Variants in SEPTIN7 observed in about 807,000 individuals in gnomAD.
SEPTIN7 encodes the protein septin 7, also known as septin-7.
Under a neutral mutation model 63.3 loss-of-function variants are expected in SEPTIN7, and 10 were observed. That is an observed-to-expected ratio of 0.16 (90% CI 0.10 to 0.27). SEPTIN7 has a LOEUF of 0.27. SEPTIN7 is among the 10% of genes least tolerant of loss of function. The pLI is 1.00. For synonymous variants in SEPTIN7, 131 were observed against 165.3 expected (o/e 0.79, Z 1.59); for missense variants, 310 against 521.0 (o/e 0.59, Z 3.94).
At chr7:35,829,301 G>A (rs1205115127) in intron 1 of SEPTIN7, among the ~76,000 whole-genome samples, 2 of 151,436 alleles carry the variant, frequency 1.3e-5, no homozygotes, top group East Asian at 1.9e-4. Context: ...TGTCAGTCCC[G>A]GCTAATTTTT....
chr7:35,821,718 G>A (rs542220293), intron 1 of SEPTIN7, among the ~76,000 whole-genome samples: 2 of 152,316 alleles, frequency 1.3e-5, no homozygotes, highest in African/African-American at 4.8e-5. Context: ...CAAAAGTCAT[G>A]TAGGAGAGTG....
intron 1 of SEPTIN7, among the ~76,000 whole-genome samples, chr7:35,819,294 C>T (rs1469255211): frequency 6.6e-6 from 1 of 152,108 alleles, no homozygotes. Flanking sequence ...TAACTTCATT[C>T]TCTAGTGGAT....
chr7:35,872,639 T>G, intron 4 of SEPTIN7, 27 bp from the exon 5 acceptor site: 1 of 1,530,786 alleles, frequency 6.5e-7, no homozygotes, highest in Non-Finnish European at 9.0e-7. Context: ...TGTATGATAT[T>G]AACATCTGCA....
chr7:35,885,390 A>T (rs1442796918), intron 9 of SEPTIN7, among the ~76,000 whole-genome samples: 1 of 152,120 alleles, frequency 6.6e-6, no homozygotes, highest in Non-Finnish European at 1.5e-5. Flanking sequence ...CCTATTTGTG[A>T]TACATTCTTT....
chr7:35,866,308 T>C (rs758613323), intron 4 of SEPTIN7, among the ~76,000 whole-genome samples: 4 of 152,240 alleles, frequency 2.6e-5, no homozygotes, highest in Non-Finnish European at 5.9e-5. Context: ...TGTAATCTTT[T>C]TGATAGTTGG....
intron 3 of SEPTIN7, among the ~76,000 whole-genome samples, 173 bp downstream of exon 3, chr7:35,833,073 T>C (rs1204867048): frequency 2.6e-5 from 4 of 152,048 alleles, no homozygotes; most frequent in African/African-American, 9.6e-5. Context: ...TAATGGGATT[T>C]ATGTCTTGCC....
intron 8 of SEPTIN7, 52 bp from the exon 9 acceptor site, chr7:35,883,839 A>G: frequency 2.0e-6 from 2 of 1,016,914 alleles, no homozygotes; most frequent in Admixed American, 2.4e-5. Flanking sequence ...TTTATTTTTG[A>G]ATTTGTGAGG....
At chr7:35,818,987 AT>A (rs1711961874) in intron 1 of SEPTIN7, among the ~76,000 whole-genome samples, 1 of 150,264 alleles carries the variant, frequency 6.7e-6, no homozygotes, top group African/African-American at 2.5e-5. Context: ...TCATTTCCTT[AT>A]TTTGTTTTCC....
At chr7:35,835,052 T>C (rs566893937) in intron 3 of SEPTIN7, among the ~76,000 whole-genome samples, 8 of 152,260 alleles carry the variant, frequency 5.3e-5, no homozygotes, top group African/African-American at 1.9e-4. Flanking sequence ...AGTACTTGCT[T>C]GAGTGACTTA....
chr7:35,829,584 T>C lies in SEPTIN7; in HGVS notation c.62-1908T>C, dbSNP rs144367008. Among the ~76,000 whole-genome samples, 50 of 152,322 alleles carry C rather than the reference T, an allele frequency of 3.3e-4. No individual in the cohort carries two copies. In the Middle Eastern group the frequency reaches 0.014, roughly 41 times the overall value. On this transcript the variant is annotated intron_variant, in intron 1 of 13. Coordinates refer to ENST00000350320, the MANE Select transcript of SEPTIN7 (RefSeq NM_001788.6). Reference sequence around the variant, plus strand: ...TGAGTCATTTTTGTTATACCTCTTATCTGATGAGTTCCTTCAAGGTGCAGT... The same window carrying C: ...TGAGTCATTTTTGTTATACCTCTTACCTGATGAGTTCCTTCAAGGTGCAGT...
At chr7:35,808,454 C>A (rs1178949466) in intron 1 of SEPTIN7, among the ~76,000 whole-genome samples, 1 of 152,126 alleles carries the variant, frequency 6.6e-6, no homozygotes, top group Non-Finnish European at 1.5e-5. Context: ...AGCTGCATAA[C>A]CGTTACATGA....
intron 1 of SEPTIN7, among the ~76,000 whole-genome samples, chr7:35,828,099 TA>T (rs1783611469): frequency 6.6e-6 from 1 of 152,142 alleles, no homozygotes; most frequent in Admixed American, 6.5e-5. Context: ...AATTTTATTT[TA>T]AAAAATATTT....
chr7:35,903,357 T>A, intron 13 of SEPTIN7, 142 bp downstream of exon 13: 1 of 1,326,384 alleles, frequency 7.5e-7, no homozygotes, highest in Non-Finnish European at 9.9e-7. Flanking sequence ...TTTTCATAGA[T>A]AAATATTTTT....
intron 6 of SEPTIN7, among the ~76,000 whole-genome samples, chr7:35,875,757 G>C (rs962503899): frequency 6.6e-6 from 1 of 151,870 alleles, no homozygotes; most frequent in Admixed American, 6.6e-5. Context: ...TTATACAGAA[G>C]GATTTTTTCT....
chr7:35,825,955 G>A (rs1392422555), intron 1 of SEPTIN7, among the ~76,000 whole-genome samples: 1 of 152,066 alleles, frequency 6.6e-6, no homozygotes, highest in Admixed American at 6.6e-5. Context: ...AGTAAAAAGA[G>A]GAGAGCTGGG....
chr7:35,915,130 T>C, the SEPTIN7 span, among the ~76,000 whole-genome samples: 5 of 133,332 alleles, frequency 3.8e-5, no homozygotes, highest in African/African-American at 1.1e-4. Flanking sequence ...TGTGTATATA[T>C]ACATGCATAT....
At chr7:35,868,212 G>T (rs1785936802) in intron 4 of SEPTIN7, among the ~76,000 whole-genome samples, 1 of 151,996 alleles carries the variant, frequency 6.6e-6, no homozygotes, top group African/African-American at 2.4e-5. Flanking sequence ...GATGAAGTGG[G>T]TGCAAAATTT....
At chr7:35,879,968 C>T in intron 7 of SEPTIN7, 28 bp downstream of exon 7, 1 of 1,286,128 alleles carries the variant, frequency 7.8e-7, no homozygotes, top group African/African-American at 1.5e-5. Flanking sequence ...ACCCAGGTTT[C>T]TTATACCGTT....
At chr7:35,896,109 TA>T (rs1443984800) in intron 11 of SEPTIN7, among the ~76,000 whole-genome samples, 3 of 152,204 alleles carry the variant, frequency 2.0e-5, no homozygotes, top group Non-Finnish European at 4.4e-5. Flanking sequence ...GTGCCCGGCT[TA>T]AAAGATTTGA....
Sources: allele counts gnomAD v4.1 joint callset (sites outside exome capture counted in the v4.1 genomes callset), GRCh38; gene constraint gnomAD v4.1.1; transcripts MANE v1.5; gene names NCBI Gene and HGNC (gene_info 2026-07-23, HGNC 2026-07-21).